Variants in ROCK2 observed in about 807,000 individuals in gnomAD.
The protein encoded by ROCK2 is rho-associated protein kinase 2.
In ROCK2, 61 loss-of-function variants were observed where a neutral mutation model predicts 195.1. That is an observed-to-expected ratio of 0.31 (90% CI 0.25 to 0.39). ROCK2 has a LOEUF of 0.39. ROCK2 is among the 10% of genes least tolerant of loss of function. The probability of loss-of-function intolerance (pLI) is 1.00; values close to 1 mark genes in which losing one functional copy is unlikely to be tolerated. For missense variants in ROCK2, 1,109 were observed against 1,637.4 expected (o/e 0.68, Z 5.57); for synonymous variants, 504 against 545.5 (o/e 0.92, Z 1.06).
chr2:11,233,262 T>A (rs918397406), intron 5 of ROCK2, among the ~76,000 whole-genome samples: 3 of 152,194 alleles, frequency 2.0e-5, no homozygotes, highest in Non-Finnish European at 4.4e-5. Context: ...CTTATTTATT[T>A]TTTTCTTGGC....
At chr2:11,208,233 T>C in intron 19 of ROCK2, 54 bp downstream of exon 19, 1 of 780,274 alleles carries the variant, frequency 1.3e-6, no homozygotes, top group Non-Finnish European at 1.7e-6. Context: ...CCTTCATGAA[T>C]AAACCTATTA....
chr2:11,343,924 C>T lies in ROCK2; in HGVS notation c.141+72G>A. 10 of 1,502,018 alleles carry T rather than the reference C, an allele frequency of 6.7e-6. No individual in the cohort carries two copies. The South Asian group carries it at 1.2e-4, about 17-fold the overall frequency. 93.0% of individuals were successfully genotyped at this position (1,502,018 alleles called of 1,614,324 possible). ...CCCCCTCCCCACGGGCGGACGGGCA[C>T]GGAGGGCTGGGCGGAGAGGGGATCT... On this transcript the variant is annotated intron_variant, in intron 1 of 32. Coordinates refer to ENST00000315872, the MANE Select transcript of ROCK2 (RefSeq NM_004850.5).
intron 18 of ROCK2, among the ~76,000 whole-genome samples, chr2:11,210,412 T>A (rs74672678): frequency 0.024 from 3,719 of 152,106 alleles, 65 homozygotes; most frequent in East Asian, 0.052. Context: ...CTTGAACTCC[T>A]GGGCTCAAGC....
chr2:11,231,680 TAA>T (rs1316887701), intron 5 of ROCK2, among the ~76,000 whole-genome samples: 2 of 152,112 alleles, frequency 1.3e-5, no homozygotes, highest in Non-Finnish European at 2.9e-5. Flanking sequence ...CACATTTAGA[TAA>T]GTTTTTTTTT....
chr2:11,252,368 G>A lies in ROCK2; in HGVS notation c.325-2570C>T, dbSNP rs191558305. 3.3e-3 allele frequency among the ~76,000 whole-genome samples: 493 copies of A among 149,566 alleles called. 2 individuals carry two copies. The highest frequency in any genetic ancestry group is 0.011 in the African/African-American group (438 of 40,462). ...TGAGGCTGCAGCCAGCCAAGATCAC[G>A]CCATTGCACTCCAGCCTGGGTGAAA... On this transcript the variant is annotated intron_variant, in intron 3 of 32. Coordinates refer to ENST00000315872, the MANE Select transcript of ROCK2 (RefSeq NM_004850.5).
chr2:11,207,719 A>G lies in ROCK2; in HGVS notation c.2549+7T>C. On this transcript the variant is annotated splice_region_variant and intron_variant, in intron 20 of 32. Transcript: ENST00000315872. ...GCATATTAAAACATCTCAATCAATT[A>G]ACTTACTTTCGAAGTTCAGCATTTT... The G allele has an allele frequency of 6.3e-7, 1 of 1,596,822 alleles. No homozygotes were observed. Among genetic ancestry groups the G allele is most frequent in the Non-Finnish European group, 8.6e-7 (1 of 1,169,556 alleles).
chr2:11,266,909 T>C (rs905075563), intron 3 of ROCK2, among the ~76,000 whole-genome samples: 9 of 152,182 alleles, frequency 5.9e-5, no homozygotes, highest in African/African-American at 1.9e-4. Context: ...TCTTTCTGCA[T>C]ATTTTGTAGC....
chr2:11,294,761 A>G (rs575843075), intron 1 of ROCK2, among the ~76,000 whole-genome samples: 1 of 152,252 alleles, frequency 6.6e-6, no homozygotes, highest in East Asian at 1.9e-4. Flanking sequence ...TAAAATTAAG[A>G]TCAAATTATA....
At chr2:11,224,484 C>T (rs1226588321) in intron 6 of ROCK2, 24 bp from the exon 7 acceptor site, 9 of 1,603,612 alleles carry the variant, frequency 5.6e-6, no homozygotes, top group Non-Finnish European at 7.7e-6. Context: ...AAAGAAGATA[C>T]TGAATGTAAC....
At chr2:11,249,639 T>C in intron 4 of ROCK2, 22 bp downstream of exon 4, 1 of 1,438,536 alleles carries the variant, frequency 7.0e-7, no homozygotes, top group Non-Finnish European at 9.1e-7. Context: ...GGAAATAAAC[T>C]TATAAAAGTT....
chr2:11,333,450 G>A (rs151144829), intron 1 of ROCK2, among the ~76,000 whole-genome samples: 1 of 152,122 alleles, frequency 6.6e-6, no homozygotes, highest in East Asian at 1.9e-4. Context: ...AACTATCACA[G>A]CTCTAAATTC....
chr2:11,249,621 T>TA (rs1252287769), intron 4 of ROCK2, 40 bp downstream of exon 4: 27 of 1,398,446 alleles, frequency 1.9e-5, no homozygotes, highest in Non-Finnish European at 2.5e-5. Flanking sequence ...AAAGCACTCA[T>TA]AAAAAAAGGA....
chr2:11,269,715 CTT>C (rs1472496280), intron 3 of ROCK2, among the ~76,000 whole-genome samples: 1 of 152,164 alleles, frequency 6.6e-6, no homozygotes, highest in Non-Finnish European at 1.5e-5. Flanking sequence ...ACTCCCCTCT[CTT>C]TTCAGAATCC....
chr2:11,196,519 C>T (rs1362067001), intron 27 of ROCK2, among the ~76,000 whole-genome samples: 1 of 152,104 alleles, frequency 6.6e-6, no homozygotes, highest in Non-Finnish European at 1.5e-5. Flanking sequence ...GAGAAAATAC[C>T]TTAAAAACAA....
chr2:11,302,064 C>T (rs1667724441), intron 1 of ROCK2, among the ~76,000 whole-genome samples: 2 of 152,132 alleles, frequency 1.3e-5, no homozygotes, highest in African/African-American at 2.4e-5. Flanking sequence ...CCTTGGCCTC[C>T]CAAAGTGCTG....
At chr2:11,305,266 C>G (rs1162881130) in intron 1 of ROCK2, among the ~76,000 whole-genome samples, 1 of 152,134 alleles carries the variant, frequency 6.6e-6, no homozygotes, top group Non-Finnish European at 1.5e-5. Flanking sequence ...GTCCCAACTA[C>G]TCGGGAGGCT....
In ROCK2 at chr2:11,198,484, T is replaced by C. The variant is rs1663722581; in HGVS notation, c.3099+7A>G. On this transcript the variant is annotated splice_region_variant and intron_variant, in intron 25 of 32. Coordinates refer to ENST00000315872, the MANE Select transcript of ROCK2 (RefSeq NM_004850.5). ...TCAAAATCATATTTAGATTCTATTA[T>C]ACATACTTGAGTTTTGAGTGTTCTT... 6 of 1,560,930 alleles carry C rather than the reference T, an allele frequency of 3.8e-6. No homozygotes were observed. The highest frequency in any genetic ancestry group is 2.7e-5 in the African/African-American group (2 of 73,778).
rs1416293274 is a variant in ROCK2 at position 11,321,823 on chromosome 2, A to G, written c.141+22173T>C. 2.0e-5 allele frequency among the ~76,000 whole-genome samples: 3 copies of G among 152,258 alleles called. No individual in the cohort carries two copies. In the East Asian group the frequency reaches 5.8e-4, roughly 29 times the overall value. On this transcript the variant is annotated intron_variant, in intron 1 of 32. Transcript: ENST00000315872. ...AAATGATAGGTTTAAAAATAGATAAATAGATGGATAGTTACTGACTGAATT... is the reference window on the plus strand; with the variant it reads ...AAATGATAGGTTTAAAAATAGATAAGTAGATGGATAGTTACTGACTGAATT...
At chr2:11,210,555 G>A (rs185447604) in intron 18 of ROCK2, among the ~76,000 whole-genome samples, 30 of 152,040 alleles carry the variant, frequency 2.0e-4, no homozygotes, top group Admixed American at 9.2e-4. Context: ...TGCCCATGCC[G>A]GTCTCAAACT....
Sources: allele counts gnomAD v4.1 joint callset (sites outside exome capture counted in the v4.1 genomes callset), GRCh38; gene constraint gnomAD v4.1.1; transcripts MANE v1.5; gene names NCBI Gene and HGNC (gene_info 2026-07-23, HGNC 2026-07-21).